The following AGAP1 variants were observed in gnomAD, a reference collection of about 807,000 sequenced individuals.
AGAP1 encodes the protein ArfGAP with GTPase domain, ankyrin repeat and PH domain 1.
In AGAP1, 29 loss-of-function variants were observed where a neutral mutation model predicts 105.3. That is an observed-to-expected ratio of 0.28 (90% CI 0.21 to 0.38). AGAP1 has a LOEUF of 0.38. Ranked by LOEUF, AGAP1 falls within the 10% of genes least tolerant of loss-of-function variation. AGAP1 has a pLI of 1.00. For synonymous variants in AGAP1, 509 were observed against 485.9 expected (o/e 1.05, Z -0.63); for missense variants, 998 against 1,165.1 (o/e 0.86, Z 2.09).
intron 1 of AGAP1, among the ~76,000 whole-genome samples, chr2:235,653,632 T>A (rs1947681358): frequency 6.6e-6 from 1 of 152,312 alleles, no homozygotes; most frequent in East Asian, 1.9e-4. Context: ...AGACAGATTT[T>A]AAAATGGTCA....
chr2:235,670,960 C>T, intron 1 of AGAP1: 3 of 1,318,012 alleles, frequency 2.3e-6, no homozygotes, highest in Non-Finnish European at 2.9e-6. Flanking sequence ...CGCCACGGAG[C>T]GGAGCCTCGC....
rs1342055769 is a variant in AGAP1 at position 235,963,387 on chromosome 2, TA to T, written c.1484-5072del. On this transcript the variant is annotated intron_variant, in intron 12 of 17. Transcript: ENST00000304032. The surrounding 1 kb of genome is among the most constrained non-coding windows in gnomAD (Gnocchi z 5.1). Reference sequence around the variant, plus strand: ...CAGGTGGGATTCTGAATTCAGTTGTTAAAGGGCTGCTTTGTGTGCACATAGA... The same window carrying T: ...CAGGTGGGATTCTGAATTCAGTTGTTAAGGGCTGCTTTGTGTGCACATAGA... Among the ~76,000 whole-genome samples the T allele has an allele frequency of 6.6e-6, 1 of 152,218 alleles. No homozygotes were observed. Among genetic ancestry groups the T allele is most frequent in the African/African-American group, 2.4e-5 (1 of 41,456 alleles).
rs1313754666 is a variant in AGAP1 at position 235,789,163 on chromosome 2, A to G, written c.674-8596A>G. 6.6e-6 allele frequency among the ~76,000 whole-genome samples: 1 copy of G among 152,230 alleles called. No individual in the cohort carries two copies. Among genetic ancestry groups the G allele is most frequent in the Non-Finnish European group, 1.5e-5 (1 of 68,046 alleles). ...TTGGATACACATATTAAAAATGTCA[A>G]ATACACCATATTTGTTTCAGCACAG... On this transcript the variant is annotated intron_variant, in intron 6 of 17. Transcript: ENST00000304032. The surrounding 1 kb of genome is among the most constrained non-coding windows in gnomAD (Gnocchi z 4.2).
At chr2:235,826,388 A>G (rs1187389128) in intron 9 of AGAP1, among the ~76,000 whole-genome samples, 1 of 152,162 alleles carries the variant, frequency 6.6e-6, no homozygotes, top group Admixed American at 6.5e-5. Context: ...TTGCAGGTTC[A>G]TTCTTTCTAC....
intron 8 of AGAP1, 65 bp from the exon 9 acceptor site, chr2:235,807,173 AG>A: frequency 6.7e-7 from 1 of 1,493,616 alleles, no homozygotes; most frequent in Non-Finnish European, 9.1e-7. Flanking sequence ...TTCTGCAAAC[AG>A]GGGCAGAGCC....
intron 1 of AGAP1, among the ~76,000 whole-genome samples, chr2:235,661,764 G>A (rs1947964027): frequency 1.3e-5 from 2 of 152,176 alleles, no homozygotes; most frequent in African/African-American, 4.8e-5. Context: ...CCGCCTTTGG[G>A]GCATGCCCAG....
Position 235,919,096 on chromosome 2 carries a change from A to T in AGAP1, c.1324+10190A>T, listed in dbSNP as rs1000691354. On this transcript the variant is annotated intron_variant, in intron 11 of 17. Coordinates refer to ENST00000304032, the MANE Select transcript of AGAP1 (RefSeq NM_001037131.3). This position sits in a 1 kb window ranked among gnomAD's most constrained non-coding sequence, Gnocchi z 4.1. ...TGAACTGATGCTTCCGAGACCAGCG[A>T]AGTGGTCTGCAGGGTCAGCTGTGGG... 3.9e-5 allele frequency among the ~76,000 whole-genome samples: 6 copies of T among 152,088 alleles called. No individual in the cohort carries two copies. The highest frequency in any genetic ancestry group is 1.4e-4 in the African/African-American group (6 of 41,420).
At chr2:235,813,937 C>T (rs1440562677) in intron 9 of AGAP1, among the ~76,000 whole-genome samples, 2 of 152,124 alleles carry the variant, frequency 1.3e-5, no homozygotes, top group African/African-American at 2.4e-5. Flanking sequence ...ACTCAGTGGC[C>T]GGACTCTCCT....
chr2:235,697,972 C>G (rs1488302572), intron 1 of AGAP1, among the ~76,000 whole-genome samples: 1 of 152,156 alleles, frequency 6.6e-6, no homozygotes, highest in Non-Finnish European at 1.5e-5. Context: ...TCGAAATTAT[C>G]TTTTAATACA....
Position 235,908,673 on chromosome 2 carries a change from G to A in AGAP1, c.1156-65G>A, listed in dbSNP as rs556094169. ...CTCATGACGTCTGATAGACCCTTTT[G>A]TTCTAGGTTGTAAAAGGTCTTTTTT... On this transcript the variant is annotated intron_variant, in intron 10 of 17. Transcript: ENST00000304032. This position sits in a 1 kb window ranked among gnomAD's most constrained non-coding sequence, Gnocchi z 4.4. 2.1e-6 allele frequency: 3 copies of A among 1,455,992 alleles called. No homozygotes were observed. Among genetic ancestry groups the A allele is most frequent in the African/African-American group, 1.4e-5 (1 of 69,096 alleles). 90.2% of individuals were successfully genotyped at this position (1,455,992 alleles called of 1,614,324 possible).
intron 9 of AGAP1, among the ~76,000 whole-genome samples, chr2:235,871,739 C>T (rs907697591): frequency 1.1e-4 from 16 of 152,204 alleles, no homozygotes; most frequent in Non-Finnish European, 1.3e-4. Flanking sequence ...GGACAGAGCC[C>T]AGCAGGGCTG....
intron 1 of AGAP1, among the ~76,000 whole-genome samples, chr2:235,580,324 G>A (rs1343221464): frequency 6.6e-6 from 1 of 152,148 alleles, no homozygotes; most frequent in Non-Finnish European, 1.5e-5. Flanking sequence ...CCGCCATACT[G>A]TTCTCCCCAT....
chr2:235,921,130 T>G (rs1230817699), intron 11 of AGAP1, among the ~76,000 whole-genome samples: 1 of 152,154 alleles, frequency 6.6e-6, no homozygotes, highest in Non-Finnish European at 1.5e-5. Context: ...CTAAGGAAAA[T>G]TCAAAAGTAG....
intron 13 of AGAP1, among the ~76,000 whole-genome samples, chr2:236,011,484 A>G (rs775614062): frequency 6.6e-6 from 1 of 152,224 alleles, no homozygotes; most frequent in East Asian, 1.9e-4. Flanking sequence ...ATACATAGCT[A>G]TGGGAGGCAT....
chr2:236,015,844 T>G (rs2056682836), intron 13 of AGAP1, among the ~76,000 whole-genome samples: 2 of 152,370 alleles, frequency 1.3e-5, no homozygotes, highest in South Asian at 4.1e-4. Context: ...TTTTCTGGGC[T>G]GTTGATTTTA....
At chr2:235,632,455 T>C (rs1365597605) in intron 1 of AGAP1, among the ~76,000 whole-genome samples, 1 of 152,230 alleles carries the variant, frequency 6.6e-6, no homozygotes, top group African/African-American at 2.4e-5. Flanking sequence ...ACGCTTGCAG[T>C]AGTCAGCAAC....
chr2:235,862,316 A>G (rs1250763104), intron 9 of AGAP1, among the ~76,000 whole-genome samples: 1 of 152,254 alleles, frequency 6.6e-6, no homozygotes, highest in African/African-American at 2.4e-5. Context: ...AGTTATTGCC[A>G]GTAGCAGTGG....
At chr2:235,818,217 T>C (rs1489176934) in intron 9 of AGAP1, among the ~76,000 whole-genome samples, 1 of 152,220 alleles carries the variant, frequency 6.6e-6, no homozygotes, top group Non-Finnish European at 1.5e-5. Flanking sequence ...TCACAGGACC[T>C]CATTTAATTC....
In AGAP1 at chr2:235,856,002, C is replaced by T. The variant is rs916468725; in HGVS notation, c.1051-27343C>T. Among the ~76,000 whole-genome samples, 7 of 152,200 alleles carry T rather than the reference C, an allele frequency of 4.6e-5. No individual in the cohort carries two copies. In the East Asian group the frequency reaches 1.4e-3, roughly 29 times the overall value. ...GATCTCGGCTCACTGCAACTTCTGCCTCCTGGGTTCAAGTGATTCTCCTAC... is the reference window on the plus strand; with the variant it reads ...GATCTCGGCTCACTGCAACTTCTGCTTCCTGGGTTCAAGTGATTCTCCTAC... On this transcript the variant is annotated intron_variant, in intron 9 of 17. Transcript: ENST00000304032.
Sources: allele counts gnomAD v4.1 joint callset (sites outside exome capture counted in the v4.1 genomes callset), GRCh38; gene constraint gnomAD v4.1.1; non-coding constraint Gnocchi (gnomAD v3.1); transcripts MANE v1.5; gene names NCBI Gene and HGNC (gene_info 2026-07-23, HGNC 2026-07-21).